The following CPO variants were observed in gnomAD, a reference collection of about 807,000 sequenced individuals.
CPO encodes carboxypeptidase O.
In CPO, 43 loss-of-function variants were observed where a neutral mutation model predicts 41.2. That is an observed-to-expected ratio of 1.04 (90% CI 0.82 to 1.35). CPO has a LOEUF of 1.35. CPO is among the 40% of genes most tolerant of loss of function. The pLI is 0.00. For synonymous variants in CPO, 178 were observed against 162.7 expected (o/e 1.09, Z -0.72); for missense variants, 408 against 451.7 (o/e 0.90, Z 0.88).
At chr2:206,956,342 G>A (rs996719763) in intron 3 of CPO, among the ~76,000 whole-genome samples, 8 of 152,126 alleles carry the variant, frequency 5.3e-5, no homozygotes, top group African/African-American at 1.7e-4. Flanking sequence ...TGATCCTAAT[G>A]TGTAACCAGA....
At chr2:206,943,702 A>AATG (rs374049947) in intron 1 of CPO, among the ~76,000 whole-genome samples, 2 of 141,750 alleles carry the variant, frequency 1.4e-5, no homozygotes, top group Non-Finnish European at 3.2e-5. Flanking sequence ...ATAGATAGAT[A>AATG]GATAGATAGA....
chr2:206,950,618 C>T (rs1211363391), intron 2 of CPO, among the ~76,000 whole-genome samples: 1 of 152,152 alleles, frequency 6.6e-6, no homozygotes, highest in East Asian at 1.9e-4. Flanking sequence ...ATGATAAAGA[C>T]ACATGCACAT....
At chr2:206,948,973 A>G (rs1319108162) in intron 1 of CPO, among the ~76,000 whole-genome samples, 2 of 152,168 alleles carry the variant, frequency 1.3e-5, no homozygotes, top group Non-Finnish European at 2.9e-5. Flanking sequence ...GTGTGAGAAT[A>G]GCAGGTAAAT....
chr2:206,967,352 G>GATATAT (rs1289145502), intron 7 of CPO, among the ~76,000 whole-genome samples: 5 of 118,438 alleles, frequency 4.2e-5, no homozygotes, highest in African/African-American at 1.7e-4. Context: ...TATATATATA[G>GATATAT]ATATATAGAT....
chr2:206,965,214 G>A (rs906769929), intron 7 of CPO, among the ~76,000 whole-genome samples: 2 of 152,104 alleles, frequency 1.3e-5, no homozygotes, highest in Non-Finnish European at 2.9e-5. Flanking sequence ...ATAAACAGTC[G>A]TCTCCAAGAC....
intron 5 of CPO, 123 bp downstream of exon 5, chr2:206,959,864 C>A: frequency 1.9e-6 from 1 of 525,200 alleles, no homozygotes; most frequent in East Asian, 2.9e-5. Flanking sequence ...GAAAGGAACC[C>A]CATTTGGGAT....
rs747221988 is a variant in CPO, at chr2:206,959,753, AT to A, written c.483+13del. The A allele has an allele frequency of 8.4e-7, 1 of 1,190,108 alleles. No homozygotes were observed. The highest frequency in any genetic ancestry group is 1.2e-5 in the South Asian group (1 of 81,592). 73.7% of individuals were successfully genotyped at this position (1,190,108 alleles called of 1,614,324 possible). ...ACACTTGGACAACTGTGAGTACACC[AT>A]GTTTGGTCCTGGGATGAGTTCATGA... On this transcript the variant is annotated intron_variant, in intron 5 of 8. Coordinates refer to ENST00000272852, the MANE Select transcript of CPO (RefSeq NM_173077.3).
intron 4 of CPO, among the ~76,000 whole-genome samples, chr2:206,959,223 G>A (rs866731020): frequency 3.2e-4 from 48 of 152,246 alleles, no homozygotes; most frequent in Non-Finnish European, 1.6e-4. Context: ...TTCTTGGTCA[G>A]TTTTTTCAGA....
intron 1 of CPO, among the ~76,000 whole-genome samples, chr2:206,944,666 G>A (rs2105818714): frequency 6.6e-6 from 1 of 152,058 alleles, no homozygotes; most frequent in East Asian, 1.9e-4. Flanking sequence ...ATTGAACAAT[G>A]TAATAAAACA....
At chr2:206,943,950 T>G (rs571565070) in intron 1 of CPO, among the ~76,000 whole-genome samples, 5 of 152,254 alleles carry the variant, frequency 3.3e-5, no homozygotes, top group African/African-American at 1.2e-4. Context: ...TGATAGTTAA[T>G]CAGGCACTAG....
At chr2:206,964,081 T>A (rs1201220159) in intron 7 of CPO, among the ~76,000 whole-genome samples, 1 of 152,258 alleles carries the variant, frequency 6.6e-6, no homozygotes, top group Admixed American at 6.5e-5. Flanking sequence ...AAGCTTGCTC[T>A]GTTCTTAATA....
rs543615840 is a variant in CPO at position 206,961,826 on chromosome 2, T to C, written c.575-586T>C. On this transcript the variant is annotated intron_variant, in intron 6 of 8. Coordinates refer to ENST00000272852, the MANE Select transcript of CPO (RefSeq NM_173077.3). ...AAGCATACTGGCAGGGCACGGTGGC[T>C]CATGCCTGTAATCCCAGCACTTTGG... is the stretch of plus-strand genomic sequence containing the variant. Among the ~76,000 whole-genome samples the C allele has an allele frequency of 1.4e-3, 212 of 152,010 alleles. 1 individual carries two copies. Among genetic ancestry groups the C allele is most frequent in the Non-Finnish European group, 2.5e-3 (171 of 67,982 alleles).
At chr2:206,959,854 G>A in intron 5 of CPO, 113 bp downstream of exon 5, 2 of 543,614 alleles carry the variant, frequency 3.7e-6, no homozygotes. Context: ...CCTATGTAAA[G>A]AAAGGAACCC....
intron 1 of CPO, among the ~76,000 whole-genome samples, chr2:206,948,439 T>C (rs1693187036): frequency 6.6e-6 from 1 of 152,092 alleles, no homozygotes; most frequent in East Asian, 1.9e-4. Flanking sequence ...GAGGGATAAA[T>C]TGGAAGAATG....
Position 206,959,732 on chromosome 2 carries a change from T to A in CPO, c.474T>A (p.Thr158=). ...TTAACATAGATGGTTATATCTACAC[T>A]TGGACAACTGTGAGTACACCATGTT... is the stretch of plus-strand genomic sequence containing the variant. The part of the protein sequence containing the change: ...PVLNIDGYIY[T]WTTDRLWRKS... The change falls in exon 5 of 9, where the codon ACT becomes ACA. Residue 158 remains threonine (T), a synonymous_variant. Coordinates refer to ENST00000272852, the MANE Select transcript of CPO (RefSeq NM_173077.3). 6.9e-7 allele frequency: 1 copy of A among 1,453,290 alleles called. No homozygotes were observed. The highest frequency in any genetic ancestry group is 9.7e-7 in the Non-Finnish European group (1 of 1,033,552). 90.0% of individuals were successfully genotyped at this position (1,453,290 alleles called of 1,614,324 possible). A position where few individuals can be genotyped will look rare whatever the true frequency, so the allele number is the denominator to read the frequency against.
intron 1 of CPO, among the ~76,000 whole-genome samples, chr2:206,944,820 A>G (rs114835835): frequency 0.013 from 1,976 of 152,184 alleles, 14 homozygotes; most frequent in Non-Finnish European, 0.019. Context: ...AATGTGGTAC[A>G]TGATGCTAAG....
chr2:206,944,239 G>T (rs371944601), intron 1 of CPO, among the ~76,000 whole-genome samples: 1 of 151,888 alleles, frequency 6.6e-6, no homozygotes, highest in Non-Finnish European at 1.5e-5. Context: ...ATACATATTT[G>T]CTGATTACTT....
At chr2:206,967,684 G>T (rs569878892) in intron 7 of CPO, among the ~76,000 whole-genome samples, 1 of 152,154 alleles carries the variant, frequency 6.6e-6, no homozygotes, top group Non-Finnish European at 1.5e-5. Flanking sequence ...ATCTAGGAGG[G>T]ATGACAAAAT....
rs1693622996 is a variant in CPO at position 206,968,319 on chromosome 2, T to C, written c.834T>C (p.Tyr278=). 2.5e-6 allele frequency: 4 copies of C among 1,610,670 alleles called. No individual in the cohort carries two copies. Among genetic ancestry groups the C allele is most frequent in the Admixed American group, 1.7e-5 (1 of 60,004 alleles). ...NALKAKYGTN[Y]RVGSSADILY... ...TGAAAGCAAAGTATGGAACCAATTATAGAGTTGGATCGAGTGCAGATATTT... is the reference window on the plus strand; with the variant it reads ...TGAAAGCAAAGTATGGAACCAATTACAGAGTTGGATCGAGTGCAGATATTT... Residue 278 remains tyrosine (Y), a synonymous_variant, in exon 8 of 9, where the codon TAT becomes TAC. Coordinates refer to ENST00000272852, the MANE Select transcript of CPO (RefSeq NM_173077.3).
Sources: gnomAD v4.1 joint callset for allele counts (sites outside exome capture counted in the v4.1 genomes callset) on GRCh38, gnomAD v4.1.1 for gene constraint, MANE v1.5 for transcripts, NCBI Gene and HGNC (gene_info 2026-07-23, HGNC 2026-07-21) for gene names.